ANKS1B: variants seen among roughly 807,000 people sequenced by gnomAD.
ANKS1B encodes the protein ankyrin repeat and sterile alpha motif domain containing 1B.
Under a neutral mutation model 148.3 loss-of-function variants are expected in ANKS1B, and 36 were observed. The observed-to-expected ratio is 0.24, with a 90% CI of 0.19 to 0.32. The LOEUF is 0.32. ANKS1B is among the 10% of genes least tolerant of loss of function. The pLI is 1.00. For synonymous variants in ANKS1B, 542 were observed against 560.8 expected, an observed-to-expected ratio of 0.97 and a Z score of 0.47; for missense variants, 1,157 against 1,542.6, an observed-to-expected ratio of 0.75 and a Z score of 4.19.
chr12:99,859,276 C>T (rs2089675472), intron 1 of ANKS1B, among the ~76,000 whole-genome samples: 1 of 152,162 alleles, frequency 6.6e-6, no homozygotes, highest in Non-Finnish European at 1.5e-5. Flanking sequence ...TTGCATGCTG[C>T]TAACAGTGAA....
chr12:99,797,670 A>T (rs996008739), intron 4 of ANKS1B, among the ~76,000 whole-genome samples: 4 of 151,960 alleles, frequency 2.6e-5, no homozygotes, highest in African/African-American at 9.7e-5. Flanking sequence ...AGGGGAAAAA[A>T]AAAAGACAAA....
intron 15 of ANKS1B, among the ~76,000 whole-genome samples, chr12:99,089,765 C>A (rs2053415663): frequency 6.6e-6 from 1 of 152,194 alleles, no homozygotes; most frequent in Non-Finnish European, 1.5e-5. Flanking sequence ...AGCAACATTT[C>A]TTTATGGTGG....
At chr12:99,893,236 C>T (rs2093208704) in intron 1 of ANKS1B, among the ~76,000 whole-genome samples, 1 of 151,934 alleles carries the variant, frequency 6.6e-6, no homozygotes, top group African/African-American at 2.4e-5. Flanking sequence ...CAGTGAAACC[C>T]CGTCTCTACT....
At chr12:99,712,328 G>T (rs1225244528) in intron 8 of ANKS1B, among the ~76,000 whole-genome samples, 2 of 152,136 alleles carry the variant, frequency 1.3e-5, no homozygotes, top group Non-Finnish European at 2.9e-5. Flanking sequence ...CTAATAACCA[G>T]AACCTGTGAA....
intron 17 of ANKS1B, among the ~76,000 whole-genome samples, chr12:98,903,240 T>C (rs2099774573): frequency 1.3e-5 from 2 of 152,214 alleles, no homozygotes; most frequent in South Asian, 4.2e-4. Context: ...CGGTGCTCTA[T>C]TTCTGTTACC....
At chr12:98,953,072 G>A (rs984827939) in intron 17 of ANKS1B, among the ~76,000 whole-genome samples, 1 of 151,538 alleles carries the variant, frequency 6.6e-6, no homozygotes, top group African/African-American at 2.4e-5. Flanking sequence ...CCAGGCTGGA[G>A]TGCAGTGCTG....
rs548051258 is a variant in ANKS1B at position 99,453,379 on chromosome 12, T to C, written c.1439-9570A>G. On this transcript the variant is annotated intron_variant, in intron 10 of 26. Coordinates refer to ENST00000683438, the MANE Select transcript of ANKS1B (RefSeq NM_001352186.2). ...AAAAAAGACTGTGGCTTCCGTCTTG[T>C]GTGTGTCCTCCTTCTCAGATCTCTT... Among the ~76,000 whole-genome samples the C allele has an allele frequency of 1.6e-4, 24 of 152,298 alleles. 1 individual carries two copies. The highest frequency in any genetic ancestry group is 2.8e-4 in the Non-Finnish European group (19 of 68,010).
chr12:99,451,726 C>T (rs1187004331), intron 10 of ANKS1B, among the ~76,000 whole-genome samples: 1 of 151,980 alleles, frequency 6.6e-6, no homozygotes, highest in East Asian at 1.9e-4. Flanking sequence ...TCAGTTTCAT[C>T]TTCTGTAAAA....
chr12:99,101,437 A>C (rs891952393), intron 15 of ANKS1B, among the ~76,000 whole-genome samples: 18 of 152,348 alleles, frequency 1.2e-4, no homozygotes, highest in African/African-American at 3.8e-4. Flanking sequence ...TTATTGATTA[A>C]ATATAGGTAT....
At chr12:99,232,336 AT>A (rs1367673364) in intron 14 of ANKS1B, among the ~76,000 whole-genome samples, 14 of 152,210 alleles carry the variant, frequency 9.2e-5, no homozygotes, top group African/African-American at 2.9e-4. Context: ...CTACTTAACT[AT>A]TTTTATACGA....
At chr12:99,679,475 T>C (rs190011574) in intron 8 of ANKS1B, among the ~76,000 whole-genome samples, 1 of 151,572 alleles carries the variant, frequency 6.6e-6, no homozygotes, top group East Asian at 1.9e-4. Flanking sequence ...ACCCAGATAA[T>C]TTTTTTTTAT....
At chr12:99,679,635 T>C (rs1260120393) in intron 8 of ANKS1B, among the ~76,000 whole-genome samples, 1 of 151,902 alleles carries the variant, frequency 6.6e-6, no homozygotes, top group Non-Finnish European at 1.5e-5. Flanking sequence ...ACTGGAAATA[T>C]TACCAGTTTC....
At chr12:99,006,108 T>C (rs2099936009) in intron 17 of ANKS1B, among the ~76,000 whole-genome samples, 1 of 152,224 alleles carries the variant, frequency 6.6e-6, no homozygotes, top group Non-Finnish European at 1.5e-5. Flanking sequence ...TGGGTTATAT[T>C]CCAGCTAAGA....
chr12:98,819,824 C>A (rs1250291301), intron 19 of ANKS1B, among the ~76,000 whole-genome samples: 1 of 152,166 alleles, frequency 6.6e-6, no homozygotes, highest in Non-Finnish European at 1.5e-5. Context: ...TTAATGCATA[C>A]AGACAAAAGC....
intron 9 of ANKS1B, among the ~76,000 whole-genome samples, chr12:99,619,713 T>G (rs556841946): frequency 1.3e-5 from 2 of 152,244 alleles, no homozygotes; most frequent in South Asian, 4.1e-4. Flanking sequence ...TGAGAACCTA[T>G]TCTCCTAGAT....
chr12:99,389,291 G>A (rs762137914), intron 12 of ANKS1B, among the ~76,000 whole-genome samples: 6 of 152,186 alleles, frequency 3.9e-5, no homozygotes, highest in Non-Finnish European at 7.4e-5. Flanking sequence ...AACACATGAG[G>A]CACCCACCCA....
chr12:99,619,656 G>A (rs2098020471), intron 9 of ANKS1B, among the ~76,000 whole-genome samples: 1 of 150,476 alleles, frequency 6.6e-6, no homozygotes, highest in Admixed American at 6.6e-5. Context: ...ACAGATCCTG[G>A]TGCAGGAGGC....
chr12:98,992,258 TA>T (rs2099927068), intron 17 of ANKS1B, among the ~76,000 whole-genome samples: 1 of 152,206 alleles, frequency 6.6e-6, no homozygotes, highest in African/African-American at 2.4e-5. Context: ...ACTCTTTCTT[TA>T]AATCTTGGCA....
chr12:99,899,900 A>ATT (rs925522357), intron 1 of ANKS1B, among the ~76,000 whole-genome samples: 1 of 140,828 alleles, frequency 7.1e-6, no homozygotes, highest in Non-Finnish European at 1.6e-5. Context: ...AAGAATTGTG[A>ATT]TTTTTTTTTT....
Sources: allele counts gnomAD v4.1 joint callset (sites outside exome capture counted in the v4.1 genomes callset), GRCh38; gene constraint gnomAD v4.1.1; transcripts MANE v1.5; gene names NCBI Gene and HGNC (gene_info 2026-07-23, HGNC 2026-07-21).